TEX15: variants seen among roughly 807,000 people sequenced by gnomAD.
TEX15 encodes the protein testis-expressed protein 15.
Under a neutral mutation model 237.3 loss-of-function variants are expected in TEX15, and 171 were observed. The ratio of observed to expected loss-of-function variants is 0.72; its 90% CI spans 0.64 to 0.82. TEX15 has a LOEUF of 0.82. TEX15 is among the 40% of genes least tolerant of loss of function. The pLI, the probability that TEX15 is intolerant of heterozygous loss-of-function variation, is 0.00. For missense variants in TEX15, 3,750 were observed against 3,646.5 expected, an observed-to-expected ratio of 1.03 and a Z score of -0.73; for synonymous variants, 1,338 against 1,269.8, an observed-to-expected ratio of 1.05 and a Z score of -1.14.
Position 30,889,355 on chromosome 8 carries a change from G to A in TEX15, c.-9-2044C>T, listed in dbSNP as rs529377463. On this transcript the variant is annotated intron_variant, in intron 2 of 10. Coordinates refer to ENST00000643185, the MANE Select transcript of TEX15 (RefSeq NM_001350162.2). ...TAATCCCAGCTAATCGGGAGGCTGA[G>A]GCAGAAGAATCACTTGAACCCGGGA... is the stretch of plus-strand genomic sequence containing the variant. 6.6e-5 allele frequency among the ~76,000 whole-genome samples: 10 copies of A among 152,304 alleles called. No homozygotes were observed. The South Asian group carries it at 1.9e-3, about 28-fold the overall frequency.
rs1393634358 is a variant in TEX15 at position 30,848,134 on chromosome 8, C to T, written c.2033G>A (p.Ser678Asn). Residue 678 changes from serine (S) to asparagine (N), a missense_variant, in exon 8 of 11, where the codon AGC becomes AAC. Coordinates refer to ENST00000643185, the MANE Select transcript of TEX15 (RefSeq NM_001350162.2). ...ESESHNSFGK[S>N]CDKILITQEL... is the part of the protein sequence containing the mutation. ...TTGAGTAATTAATATTTTATCACAG[C>T]TTTTCCCAAAAGAATTATGACTCTC... is the stretch of plus-strand genomic sequence containing the variant. 3 of 1,609,054 alleles carry T rather than the reference C, an allele frequency of 1.9e-6. No individual in the cohort carries two copies. Among genetic ancestry groups the T allele is most frequent in the Non-Finnish European group, 2.5e-6 (3 of 1,178,006 alleles).
In TEX15 at chr8:30,844,950, C is replaced by G; in HGVS notation, c.5217G>C (p.Lys1739Asn). 6.2e-7 allele frequency: 1 copy of G among 1,613,510 alleles called. No homozygotes were observed. Among genetic ancestry groups the G allele is most frequent in the Non-Finnish European group, 8.5e-7 (1 of 1,179,550 alleles). The stretch of plus-strand genomic sequence containing the variant: ...AAGAATCTACAGTAAGAATTCTCTG[C>G]TTATCCAAGTAAGATTTTGAAGATT... The part of the protein sequence containing the change: ...EGESSKSYLD[K>N]QRILTVDSFA... Residue 1739 changes from lysine to asparagine, a missense_variant, in exon 8 of 11, where the codon AAG (lysine) becomes AAC (asparagine). By Grantham distance (94) the Lys-to-Asn change is moderately conservative. Coordinates refer to ENST00000643185, the MANE Select transcript of TEX15 (RefSeq NM_001350162.2).
At chr8:30,839,001 A>C (rs1807383486) in intron 9 of TEX15, among the ~76,000 whole-genome samples, 1 of 151,556 alleles carries the variant, frequency 6.6e-6, no homozygotes, top group Admixed American at 6.6e-5. Context: ...TTTTTAGTAG[A>C]GATAGTGTTT....
At position 30,843,960 on chromosome 8, in the gene TEX15, A is replaced by T; in HGVS notation, c.6207T>A (p.Ala2069=). 7 of 1,613,168 alleles carry T rather than the reference A, an allele frequency of 4.3e-6. No individual in the cohort carries two copies. Among genetic ancestry groups the T allele is most frequent in the Non-Finnish European group, 5.9e-6 (7 of 1,179,674 alleles). ...TTTGAAGTTCTACCAAAGTGTCAACAGCACATGGTTTTAATGTGTGTTTGC... is the reference window on the plus strand; with the variant it reads ...TTTGAAGTTCTACCAAAGTGTCAACTGCACATGGTTTTAATGTGTGTTTGC... ...NNCKHTLKPC[A]VDTLVELQMM... is the part of the protein sequence containing the mutation. The change falls in exon 8 of 11, where the codon GCT becomes GCA. Residue 2069 remains alanine (A), a synonymous_variant. Transcript: ENST00000643185.
rs1808199567 is a variant in TEX15 at position 30,867,520 on chromosome 8, A to G, written c.303-18T>C. The G allele has an allele frequency of 7.1e-7, 1 of 1,409,728 alleles. No homozygotes were observed. The allele number at this position is 1,409,728 out of a possible 1,614,324, so 87.3% of individuals were successfully genotyped here. A position where few individuals can be genotyped will look rare whatever the true frequency, so the allele number is the denominator to read the frequency against. On this transcript the variant is annotated intron_variant, in intron 4 of 10. Coordinates refer to ENST00000643185, the MANE Select transcript of TEX15 (RefSeq NM_001350162.2). ...TCTCTGACCTAAAGTAAAACAAACA[A>G]TGTATACAGTTAAAGATAAATATCA...
rs766094508 is a variant in TEX15, at chr8:30,845,001, G to A, written c.5166C>T (p.Ala1722=). The stretch of plus-strand genomic sequence containing the variant: ...CTCCCTCACTATCTGTCACTGCAGC[G>A]GCTGATAACTGAGGAATACTGTACT... ...SKKYSIPQLS[A]AAVTDSEGES... The change falls in exon 8 of 11, where the codon GCC becomes GCT. Residue 1722 remains alanine, a synonymous_variant. Coordinates refer to ENST00000643185, the MANE Select transcript of TEX15 (RefSeq NM_001350162.2). 17 of 1,613,384 alleles carry A rather than the reference G, an allele frequency of 1.1e-5. No homozygotes were observed. Among genetic ancestry groups the A allele is most frequent in the African/African-American group, 6.7e-5 (5 of 74,880 alleles).
Position 30,843,463 on chromosome 8 carries a change from T to G in TEX15, c.6704A>C (p.Gln2235Pro). 1.9e-6 allele frequency: 3 copies of G among 1,612,980 alleles called. No homozygotes were observed. Among genetic ancestry groups the G allele is most frequent in the Non-Finnish European group, 2.5e-6 (3 of 1,179,586 alleles). ...TTCTATGATAATCCACAGATGGTCC[T>G]GTTTTCCTGGATACGAATGAACTTT... ...SPKVHSYPGK[Q>P]DHLWIIIEMI... is the part of the protein sequence containing the mutation. Residue 2235 changes from glutamine to proline, a missense_variant, in exon 8 of 11, where the codon CAG becomes CCG. Physicochemically the swap from Gln to Pro is moderately conservative, Grantham distance 76. Coordinates refer to ENST00000643185, the MANE Select transcript of TEX15 (RefSeq NM_001350162.2).
At chr8:30,869,792 G>C (rs1479471800) in intron 4 of TEX15, among the ~76,000 whole-genome samples, 3 of 151,942 alleles carry the variant, frequency 2.0e-5, no homozygotes, top group African/African-American at 7.2e-5. Flanking sequence ...CTGACTTCTA[G>C]TGCATCAGGC....
At position 30,842,879 on chromosome 8, in the gene TEX15, G is replaced by C. The variant is rs891739208; in HGVS notation, c.7288C>G (p.His2430Asp). The change falls in exon 8 of 11, where the codon CAC (histidine) becomes GAC (aspartate). Residue 2430 changes from histidine to aspartate, a missense_variant. His to Asp is a moderately conservative substitution (Grantham distance 81). Coordinates refer to ENST00000643185, the MANE Select transcript of TEX15 (RefSeq NM_001350162.2). ...TTTAAAATGATAGCCTCATGGCTGTGGTTTATCACCACGTCTAAAACATTT... is the reference window on the plus strand; with the variant it reads ...TTTAAAATGATAGCCTCATGGCTGTCGTTTATCACCACGTCTAAAACATTT... ...EENVLDVVIN[H>D]SHEAIILKPE... 3.1e-6 allele frequency: 5 copies of C among 1,610,634 alleles called. No homozygotes were observed. Among genetic ancestry groups the C allele is most frequent in the Non-Finnish European group, 4.2e-6 (5 of 1,178,070 alleles).
chr8:30,838,066 T>TA lies in TEX15; in HGVS notation c.8223-6dup, dbSNP rs762787158. 2.5e-6 allele frequency: 4 copies of TA among 1,596,730 alleles called. No homozygotes were observed. The African/African-American group carries it at 4.1e-5, about 16-fold the overall frequency. ...TTGGGATGAGATCCTGTAGTCCTAT[T>TA]AGGTGCAACACATACATAAAAATGA... On this transcript the variant is annotated splice_polypyrimidine_tract_variant and splice_region_variant and intron_variant, in intron 9 of 10. Transcript: ENST00000643185.
chr8:30,907,487 T>TACAAA (rs1410327728), intron 1 of TEX15, among the ~76,000 whole-genome samples: 4 of 147,140 alleles, frequency 2.7e-5, no homozygotes, highest in African/African-American at 4.9e-5. Flanking sequence ...ATAAATTATA[T>TACAAA]ATAAAATGTA....
rs763347090 is a variant in TEX15 at position 30,847,270 on chromosome 8, G to C, written c.2897C>G (p.Ser966Cys). The C allele has an allele frequency of 2.5e-6, 4 of 1,613,834 alleles. No homozygotes were observed. The South Asian group carries it at 4.4e-5, about 18-fold the overall frequency. The change falls in exon 8 of 11, where the codon TCC becomes TGC. Residue 966 changes from serine to cysteine, a missense_variant. Physicochemically the swap from Ser to Cys is moderately radical, Grantham distance 112. Coordinates refer to ENST00000643185, the MANE Select transcript of TEX15 (RefSeq NM_001350162.2). ...ACTTGCAGTTTTGGGAAATGTCGTG[G>C]AAGCCAAATGCTCTACACTTCTTCC... ...NTGRSVEHLASTTFPKTASSS... is the reference protein window; with the variant it reads ...NTGRSVEHLACTTFPKTASSS...
intron 4 of TEX15, among the ~76,000 whole-genome samples, chr8:30,869,472 T>C (rs985972676): frequency 1.3e-5 from 2 of 152,044 alleles, no homozygotes; most frequent in African/African-American, 2.4e-5. Context: ...ATGAAGTTTA[T>C]ACACAATAAG....
At position 30,846,092 on chromosome 8, in the gene TEX15, T is replaced by G; in HGVS notation, c.4075A>C (p.Ser1359Arg). 1 of 1,613,504 alleles carries G rather than the reference T, an allele frequency of 6.2e-7. No homozygotes were observed. Among genetic ancestry groups the G allele is most frequent in the Non-Finnish European group, 8.5e-7 (1 of 1,179,600 alleles). ...TFSQSEKHIK[S>R]VLNILSDEAS... is the part of the protein sequence containing the mutation. The stretch of plus-strand genomic sequence containing the variant: ...TCATCACTTAGGATATTTAGGACAC[T>G]CTTAATGTGCTTTTCTGACTGTGAA... The change falls in exon 8 of 11, where the codon AGT becomes CGT. Residue 1359 changes from serine (S) to arginine (R), a missense_variant. Physicochemically the swap from Ser to Arg is moderately radical, Grantham distance 110 (BLOSUM62 -1). Transcript: ENST00000643185.
chr8:30,902,639 T>C (rs928522158), intron 1 of TEX15, among the ~76,000 whole-genome samples: 2 of 152,230 alleles, frequency 1.3e-5, no homozygotes, highest in African/African-American at 2.4e-5. Context: ...CAAAAAACTA[T>C]GGTTCATCCT....
At position 30,889,954 on chromosome 8, in the gene TEX15, C is replaced by CACACAT. The variant is rs1554502343; in HGVS notation, c.-9-2644_-9-2643insATGTGT. On this transcript the variant is annotated intron_variant, in intron 2 of 10. Coordinates refer to ENST00000643185, the MANE Select transcript of TEX15 (RefSeq NM_001350162.2). ...ATATACATATATATATATATATATA[C>CACACAT]ATATATATATATATGTATAAGTAAA... Among the ~76,000 whole-genome samples the CACACAT allele has an allele frequency of 5.5e-4, 60 of 110,086 alleles. 2 individuals are homozygous for CACACAT. The highest frequency in any genetic ancestry group is 2.6e-3 in the African/African-American group (58 of 22,374). The allele number at this position is 110,086 out of a possible 152,430, so 72.2% of individuals were successfully genotyped here.
intron 4 of TEX15, among the ~76,000 whole-genome samples, chr8:30,872,439 A>C (rs1210558368): frequency 6.6e-6 from 1 of 152,188 alleles, no homozygotes; most frequent in Admixed American, 6.6e-5. Context: ...ATACTTGTTA[A>C]TAATAAATGA....
At chr8:30,864,143 T>G (rs907228308) in intron 5 of TEX15, among the ~76,000 whole-genome samples, 2 of 151,734 alleles carry the variant, frequency 1.3e-5, no homozygotes, top group Non-Finnish European at 2.9e-5. Flanking sequence ...AGAAATCCAA[T>G]AGCTGAAAAG....
intron 1 of TEX15, among the ~76,000 whole-genome samples, chr8:30,903,203 T>C (rs1809038338): frequency 6.6e-6 from 1 of 152,218 alleles, no homozygotes; most frequent in Non-Finnish European, 1.5e-5. Context: ...GGGCAGGCTC[T>C]CCTCTAGGTC....
Sources: gnomAD v4.1 joint callset for allele counts (sites outside exome capture counted in the v4.1 genomes callset) on GRCh38, gnomAD v4.1.1 for gene constraint, MANE v1.5 for transcripts, NCBI Gene and HGNC (gene_info 2026-07-23, HGNC 2026-07-21) for gene names.